XPC: variants seen among roughly 807,000 people sequenced by gnomAD.
The protein encoded by XPC is XPC complex subunit, DNA damage recognition and repair factor, also known as DNA repair protein complementing XP-C cells.
XPC carries 76 observed loss-of-function variants against 95.8 expected under a neutral mutation model. The ratio of observed to expected loss-of-function variants is 0.79; its 90% CI spans 0.66 to 0.96. The LOEUF (loss-of-function observed/expected upper bound fraction) is 0.96. Ranked by LOEUF, XPC falls within the 40% of genes least tolerant of loss-of-function variation. The pLI, the probability that XPC is intolerant of heterozygous loss-of-function variation, is 0.00. For synonymous variants in XPC, 442 were observed against 442.1 expected (o/e 1.00, Z 0.00); for missense variants, 1,146 against 1,179.8 (o/e 0.97, Z 0.42).
chr3:14,156,546 G>T (rs1695918868), intron 9 of XPC, 51 bp from the exon 10 acceptor site: 1 of 1,611,948 alleles, frequency 6.2e-7, no homozygotes, highest in Non-Finnish European at 8.5e-7. Context: ...AAGAGGAAAT[G>T]AAGTTTGAGG....
chr3:14,173,198 C>G (rs1696685755), intron 1 of XPC, 136 bp from the exon 2 acceptor site: 7 of 818,906 alleles, frequency 8.5e-6, no homozygotes, highest in Non-Finnish European at 1.2e-5. Context: ...CATCCCCTGT[C>G]TGGTCAGCAA....
At chr3:14,150,237 T>C (rs1289391630) in intron 11 of XPC, among the ~76,000 whole-genome samples, 1 of 152,228 alleles carries the variant, frequency 6.6e-6, no homozygotes, top group Non-Finnish European at 1.5e-5. Flanking sequence ...GAGTCAGGCA[T>C]GGGCGTGCGG....
At chr3:14,172,735 T>G in intron 2 of XPC, 132 bp downstream of exon 2, 2 of 1,050,234 alleles carry the variant, frequency 1.9e-6, no homozygotes, top group Non-Finnish European at 2.7e-6. Flanking sequence ...CCGGTCTGAG[T>G]TGTACCTAGA....
Position 14,146,682 on chromosome 3 carries a change from C to T in XPC, c.2605-523G>A, listed in dbSNP as rs1024681086. On this transcript the variant is annotated intron_variant, in intron 15 of 15. Coordinates refer to ENST00000285021, the MANE Select transcript of XPC (RefSeq NM_004628.5). ...CCACCAGAGGGACTGGAATGAGGAG[C>T]GTGACAAAAAAATGTTGAAAGGCAA... Among the ~76,000 whole-genome samples, 52 of 151,958 alleles carry T rather than the reference C, an allele frequency of 3.4e-4. 1 individual carries two copies. Among genetic ancestry groups the T allele is most frequent in the Admixed American group, 7.9e-4 (12 of 15,270 alleles).
At position 14,156,342 on chromosome 3, in the gene XPC, A is replaced by G. The variant is rs1695903875; in HGVS notation, c.2026T>C (p.Tyr676His). ...CCAGGCTGCCTCACGCACCTGGAGT[A>G]GACCGCTTCTCCACGACAATACCCA... ...ILGYCRGEAV[Y>H]SRDCVHTLHS... The change falls in exon 10 of 16, where the codon TAC becomes CAC. Residue 676 changes from tyrosine (Y) to histidine (H), a missense_variant. Tyr to His is a moderately conservative substitution (Grantham distance 83, BLOSUM62 2). Transcript: ENST00000285021. 6.2e-7 allele frequency: 1 copy of G among 1,613,542 alleles called. No individual in the cohort carries two copies. The highest frequency in any genetic ancestry group is 1.7e-5 in the Admixed American group (1 of 59,954).
At chr3:14,167,947 C>A (rs116264836) in intron 4 of XPC, among the ~76,000 whole-genome samples, 37 of 152,272 alleles carry the variant, frequency 2.4e-4, no homozygotes, top group African/African-American at 8.2e-4. Flanking sequence ...ACTCTTGAAA[C>A]GTTACTTAGC....
chr3:14,173,749 T>C (rs1459515437), intron 1 of XPC, among the ~76,000 whole-genome samples: 2 of 152,186 alleles, frequency 1.3e-5, no homozygotes, highest in African/African-American at 4.8e-5. Context: ...TATTTACATA[T>C]AATAATTATA....
chr3:14,152,206 G>C (rs1372798443), intron 11 of XPC, 129 bp downstream of exon 11: 12 of 695,786 alleles, frequency 1.7e-5, no homozygotes, highest in Non-Finnish European at 2.6e-5. Flanking sequence ...AGCCGGGAAA[G>C]TGAGACATTT....
At chr3:14,147,717 G>A in intron 14 of XPC, 191 bp downstream of exon 14, 2 of 611,388 alleles carry the variant, frequency 3.3e-6, no homozygotes, top group Non-Finnish European at 5.7e-6. Context: ...GCTCCTCAGG[G>A]ACAGTGATAG....
At position 14,165,686 on chromosome 3, in the gene XPC, G is replaced by A. The variant is rs1002938818; in HGVS notation, c.622-101C>T. On this transcript the variant is annotated intron_variant, in intron 5 of 15. Coordinates refer to ENST00000285021, the MANE Select transcript of XPC (RefSeq NM_004628.5). ...AAGACATGCTGTGGACAAGAAATAT[G>A]TGTTGCCATTTCTACATATAAGAAA... 5 of 1,390,326 alleles carry A rather than the reference G, an allele frequency of 3.6e-6. No individual in the cohort carries two copies. In the African/African-American group the frequency reaches 7.1e-5, roughly 20 times the overall value. 86.1% of individuals were successfully genotyped at this position (1,390,326 alleles called of 1,614,324 possible).
Position 14,164,821 on chromosome 3 carries a change from AT to A in XPC, c.891del (p.Glu297AspfsTer8). 1 of 1,613,166 alleles carries A rather than the reference AT, an allele frequency of 6.2e-7. No individual in the cohort carries two copies. Among genetic ancestry groups the A allele is most frequent in the Non-Finnish European group, 8.5e-7 (1 of 1,179,592 alleles). On this transcript the variant is annotated frameshift_variant, in exon 7 of 16. Transcript: ENST00000285021. LOFTEE classifies it high-confidence loss of function. ...FAIYSARDDEELVHIFLLILR... is the reference protein window; with the variant it reads ...FAIYSARDDEXLVHIFLLILR... ...CCGGGAGGATCACTTACATGGACCA[AT>A]TCCTCATCATCTCGAGCAGAGTAAA...
In XPC at chr3:14,147,227, C is replaced by G. The variant is rs1256228848; in HGVS notation, c.2604+63G>C. ...GGGGCAGAATCTGGGCCAGGCCTTT[C>G]TGAGCTGCATCTCCAAGAAACTGAC... On this transcript the variant is annotated intron_variant, in intron 15 of 15. Transcript: ENST00000285021. 4.6e-6 allele frequency: 7 copies of G among 1,528,518 alleles called. No homozygotes were observed. In the Admixed American group the frequency reaches 1.4e-4, roughly 31 times the overall value. The allele number at this position is 1,528,518 out of a possible 1,614,324, so 94.7% of individuals were successfully genotyped here.
intron 11 of XPC, chr3:14,150,057 C>G (rs1695625176): frequency 6.6e-6 from 1 of 152,240 alleles, no homozygotes; most frequent in Non-Finnish European, 1.5e-5. Context: ...GAGCCTGTGT[C>G]TCAACATATA....
At position 14,147,994 on chromosome 3, in the gene XPC, C is replaced by T; in HGVS notation, c.2428G>A (p.Gly810Arg). 1 of 1,584,572 alleles carries T rather than the reference C, an allele frequency of 6.3e-7. No homozygotes were observed. Among genetic ancestry groups the T allele is most frequent in the Non-Finnish European group, 8.6e-7 (1 of 1,163,992 alleles). Residue 810 changes from glycine (G) to arginine (R), a missense_variant, in exon 14 of 16, where the codon GGA becomes AGA. Coordinates refer to ENST00000285021, the MANE Select transcript of XPC (RefSeq NM_004628.5). ...HGGYSHPVTD[G>R]YIVCEEFKDV... ...TTGAATTCCTCGCAGACGATGTATC[C>T]ATCAGTCCTGTGGGGACACAACGCG...
At chr3:14,171,046 C>T (rs1317476773) in intron 2 of XPC, among the ~76,000 whole-genome samples, 1 of 152,136 alleles carries the variant, frequency 6.6e-6, no homozygotes, top group East Asian at 1.9e-4. Context: ...TGTAACTACA[C>T]ATAGGTGAGT....
intron 11 of XPC, among the ~76,000 whole-genome samples, chr3:14,150,328 C>T (rs1053170447): frequency 1.3e-5 from 2 of 152,252 alleles, no homozygotes; most frequent in Non-Finnish European, 2.9e-5. Context: ...AAGGGTCATG[C>T]GTGGCCTCCA....
Position 14,148,922 on chromosome 3 carries a change from A to T in XPC, c.2142T>A (p.Ala714=), listed in dbSNP as rs747392708. 3.7e-6 allele frequency: 6 copies of T among 1,613,820 alleles called. No homozygotes were observed. The South Asian group carries it at 6.6e-5, about 18-fold the overall frequency. ...GGGGCTCAGCAAGTCGGGCTTTCCG[A>T]GCACGGTTAGAAAAGCCTTTCACCA... ...YKMVKGFSNR[A]RKARLAEPQL... is the part of the protein sequence containing the mutation. Residue 714 remains alanine, a synonymous_variant, in exon 12 of 16, where the codon GCT becomes GCA. Coordinates refer to ENST00000285021, the MANE Select transcript of XPC (RefSeq NM_004628.5).
intron 1 of XPC, among the ~76,000 whole-genome samples, chr3:14,176,599 T>C (rs953265082): frequency 3.3e-5 from 5 of 152,254 alleles, no homozygotes; most frequent in African/African-American, 1.2e-4. Context: ...GTGAATAAAA[T>C]GGAACTCGTA....
Position 14,159,838 on chromosome 3 carries a change from G to GA in XPC, c.901-9dup. 1 of 1,550,280 alleles carries GA rather than the reference G, an allele frequency of 6.5e-7. No individual in the cohort carries two copies. The highest frequency in any genetic ancestry group is 8.7e-7 in the Non-Finnish European group (1 of 1,145,336). ...GAGAATCAGTAAGAATATCTATGAT[G>GA]AAAAGGAAGAACATAGTTATCCTAA... is the stretch of plus-strand genomic sequence containing the variant. On this transcript the variant is annotated splice_polypyrimidine_tract_variant and intron_variant, in intron 7 of 15. Transcript: ENST00000285021.
Sources: gnomAD v4.1 joint callset for allele counts (sites outside exome capture counted in the v4.1 genomes callset) on GRCh38, gnomAD v4.1.1 for gene constraint, MANE v1.5 for transcripts, NCBI Gene and HGNC (gene_info 2026-07-23, HGNC 2026-07-21) for gene names.